Variants in PROSER3 observed in about 807,000 individuals in gnomAD.
The protein encoded by PROSER3 is proline and serine rich 3, also known as proline and serine-rich protein 3.
Under a neutral mutation model 50.2 loss-of-function variants are expected in PROSER3, and 33 were observed. The ratio of observed to expected loss-of-function variants is 0.66; its 90% CI spans 0.50 to 0.88. The LOEUF (loss-of-function observed/expected upper bound fraction) is 0.88, where lower values mean the gene tolerates loss of function less well. Among genes scored for constraint, PROSER3 ranks in the 40% least tolerant of loss-of-function variants. The probability of loss-of-function intolerance (pLI) is 0.00; values close to 1 mark genes in which losing one functional copy is unlikely to be tolerated. For synonymous variants in PROSER3, 266 were observed against 259.3 expected (o/e 1.03, Z -0.25); for missense variants, 623 against 612.7 (o/e 1.02, Z -0.18).
chr19:35,760,693 G>T (rs561838432), intron 3 of PROSER3, among the ~76,000 whole-genome samples: 2 of 151,908 alleles, frequency 1.3e-5, no homozygotes, highest in African/African-American at 4.8e-5. Context: ...CACCATGTTG[G>T]CCAGGCTGGT....
At position 35,765,048 on chromosome 19, in the gene PROSER3, C is replaced by T. The variant is rs1369860889; in HGVS notation, c.641C>T (p.Ser214Phe). Residue 214 changes from serine (S) to phenylalanine (F), a missense_variant, in exon 7 of 11, where the codon TCC (serine) becomes TTC (phenylalanine). By Grantham distance (155) the Ser-to-Phe change is radical (BLOSUM62 -2). Around this residue, in one of 3 missense-constraint regions of PROSER3, gnomAD observed 380 missense variants for 346.8 expected, o/e 1.10. Coordinates refer to ENST00000396908, the Ensembl canonical transcript of PROSER3. ...TCTCCCTGCAGCAAAGCCTCCATCT[C>T]CTCCTCCTCCTCCCTCAGCCCCAGC... 8 of 1,607,756 alleles carry T rather than the reference C, an allele frequency of 5.0e-6. No individual in the cohort carries two copies. The Admixed American group carries it at 8.3e-5, about 17-fold the overall frequency.
At chr19:35,763,202 GC>G (rs895994260) in intron 5 of PROSER3, among the ~76,000 whole-genome samples, 1 of 151,482 alleles carries the variant, frequency 6.6e-6, no homozygotes, top group South Asian at 2.1e-4. Context: ...TGGGCTCCAT[GC>G]CCCCCCTTTT....
chr19:35,762,980 C>A (rs1971008897), intron 5 of PROSER3: 1 of 140,756 alleles, frequency 7.1e-6, no homozygotes, highest in African/African-American at 2.7e-5. Context: ...TGCAGTGAGC[C>A]AAGATAGCGC....
chr19:35,759,334 C>A, intron 1 of PROSER3, 40 bp from the exon 2 acceptor site: 1 of 1,563,136 alleles, frequency 6.4e-7, no homozygotes, highest in Non-Finnish European at 8.7e-7. Context: ...AGGGCTGCGG[C>A]GAAACCACGT....
chr19:35,765,422 G>A (rs890129247), intron 7 of PROSER3, among the ~76,000 whole-genome samples: 3 of 152,096 alleles, frequency 2.0e-5, no homozygotes, highest in Admixed American at 1.3e-4. Flanking sequence ...AATTAGCCAC[G>A]CGTGGTACAT....
At chr19:35,758,344 A>T in intron 1 of PROSER3, 118 bp downstream of exon 1, 2 of 1,324,502 alleles carry the variant, frequency 1.5e-6, no homozygotes, top group Non-Finnish European at 2.0e-6. Flanking sequence ...ACCGCACTGG[A>T]ACTACAATTC....
intron 2 of PROSER3, 85 bp from the exon 3 acceptor site, chr19:35,759,704 A>G: frequency 7.6e-7 from 1 of 1,314,696 alleles, no homozygotes. Context: ...CTCTGGACTG[A>G]GACTTTGTGT....
chr19:35,766,613 C>A (rs1971149024), intron 7 of PROSER3, among the ~76,000 whole-genome samples, 155 bp from the exon 8 acceptor site: 1 of 152,116 alleles, frequency 6.6e-6, no homozygotes. Context: ...TTGACCCCTT[C>A]CCCTCTTCCC....
intron 8 of PROSER3, chr19:35,767,574 G>A (rs1053997256): frequency 1.0e-4 from 57 of 572,074 alleles, no homozygotes; most frequent in Non-Finnish European, 1.6e-4. Context: ...AGAGCCCCTC[G>A]CCCAGAGGCT....
At chr19:35,767,857 G>T in exon 9 of PROSER3, 1 of 1,612,604 alleles carries the variant, frequency 6.2e-7, no homozygotes, top group Non-Finnish European at 8.5e-7. Flanking sequence ...CAGTGATACG[G>T]AAGAGCGAAG....
chr19:35,766,742 C>T (rs964825019), intron 7 of PROSER3, 26 bp from the exon 8 acceptor site: 33 of 1,520,962 alleles, frequency 2.2e-5, no homozygotes, highest in Non-Finnish European at 2.8e-5. Context: ...CCTGCCTCAC[C>T]CTCTCCTCTC....
chr19:35,767,930 A>G (rs1043078741), exon 9 of PROSER3: 1 of 1,612,230 alleles, frequency 6.2e-7, no homozygotes, highest in South Asian at 1.1e-5. Flanking sequence ...TGAGCAGGCA[A>G]CCACAGTCAA....
At chr19:35,762,123 A>G in exon 4 of PROSER3, 1 of 1,601,754 alleles carries the variant, frequency 6.2e-7, no homozygotes, top group Non-Finnish European at 8.5e-7. Flanking sequence ...GACTCTCCAG[A>G]CCCCAGCAGT....
At chr19:35,759,561 G>A (rs949044728) in intron 2 of PROSER3, 91 bp downstream of exon 2, 1 of 1,259,152 alleles carries the variant, frequency 7.9e-7, no homozygotes, top group Non-Finnish European at 1.1e-6. Flanking sequence ...GAGAGATAGG[G>A]ATGAGAGATT....
intron 5 of PROSER3, among the ~76,000 whole-genome samples, chr19:35,764,479 A>C (rs1971069851): frequency 6.6e-6 from 1 of 152,090 alleles, no homozygotes; most frequent in Non-Finnish European, 1.5e-5. Context: ...CAACATGGAG[A>C]AGCCCTGTCT....
downstream of PROSER3, among the ~76,000 whole-genome samples, chr19:35,770,473 C>A (rs953243125): frequency 6.6e-6 from 1 of 152,172 alleles, no homozygotes; most frequent in Non-Finnish European, 1.5e-5. Context: ...TTCTTTGACA[C>A]ACTTGCCATC....
intron 3 of PROSER3, among the ~76,000 whole-genome samples, chr19:35,760,548 T>C (rs1970924627): frequency 1.3e-5 from 2 of 152,230 alleles, no homozygotes; most frequent in Admixed American, 6.5e-5. Flanking sequence ...TGCAGTGGCA[T>C]GATCTCGGCT....
chr19:35,758,524 C>T (rs1303117060), intron 1 of PROSER3: 6 of 371,372 alleles, frequency 1.6e-5, no homozygotes, highest in Non-Finnish European at 2.9e-5. Flanking sequence ...GGCCCCCAGA[C>T]ACGCCTGGGC....
At chr19:35,764,818 G>A (rs1330205312) in intron 5 of PROSER3, 36 bp from the exon 6 acceptor site, 3 of 1,580,966 alleles carry the variant, frequency 1.9e-6, no homozygotes, top group Non-Finnish European at 1.7e-6. Flanking sequence ...AGCAGCCTTT[G>A]GGTTGGGGCT....
Sources: allele counts gnomAD v4.1 joint callset (sites outside exome capture counted in the v4.1 genomes callset), GRCh38; gene constraint gnomAD v4.1.1; regional missense constraint gnomAD v4.1.1; transcripts MANE v1.5; gene names NCBI Gene and HGNC (gene_info 2026-07-23, HGNC 2026-07-21).